The following EFCAB10 variants were observed in gnomAD, a reference collection of about 807,000 sequenced individuals.
The protein encoded by EFCAB10 is EF-hand calcium-binding domain-containing protein 10.
EFCAB10 carries 7 observed loss-of-function variants against 7.7 expected under a neutral mutation model. That is an observed-to-expected ratio of 0.91 (90% CI 0.52 to 1.72). The LOEUF (loss-of-function observed/expected upper bound fraction) is 1.72. EFCAB10 is among the 40% of genes most tolerant of loss of function. The pLI, the probability that EFCAB10 is intolerant of heterozygous loss-of-function variation, is 0.00. For missense variants in EFCAB10, 112 were observed against 61.5 expected (o/e 1.82, Z -2.74); for synonymous variants, 52 against 21.0 (o/e 2.47, Z -4.03).
At chr7:105,576,217 T>C (rs1169707919) in intron 1 of EFCAB10, among the ~76,000 whole-genome samples, 2 of 152,194 alleles carry the variant, frequency 1.3e-5, no homozygotes, top group East Asian at 1.9e-4. Flanking sequence ...AAACTTCTTA[T>C]GCCACATCAG....
At chr7:105,570,576 AT>A (rs949477484) in intron 1 of EFCAB10, among the ~76,000 whole-genome samples, 56 of 146,674 alleles carry the variant, frequency 3.8e-4, no homozygotes, top group Non-Finnish European at 4.7e-4. Context: ...TTACTCTTAC[AT>A]TTTTTTTTTT....
intron 1 of EFCAB10, chr7:105,572,905 C>T (rs1488864875): frequency 4.6e-5 from 7 of 151,440 alleles, no homozygotes; most frequent in Admixed American, 3.3e-4. Context: ...TGCATTCACC[C>T]GATTAGTGAT....
At chr7:105,580,688 C>T (rs956341157) in intron 1 of EFCAB10, among the ~76,000 whole-genome samples, 3 of 152,024 alleles carry the variant, frequency 2.0e-5, no homozygotes, top group African/African-American at 7.3e-5. Context: ...TACACAGAAG[C>T]AAATGGACAA....
intron 1 of EFCAB10, among the ~76,000 whole-genome samples, chr7:105,570,266 T>C (rs56084542): frequency 0.23 from 17,929 of 79,576 alleles, 2,711 homozygotes; most frequent in African/African-American, 0.31. Flanking sequence ...TATATATATA[T>C]ATACACACAC....
intron 1 of EFCAB10, among the ~76,000 whole-genome samples, chr7:105,570,885 C>T (rs926705563): frequency 1.3e-5 from 2 of 151,988 alleles, no homozygotes; most frequent in African/African-American, 2.4e-5. Flanking sequence ...CTTAGCCGGG[C>T]GTGGTGACGG....
At chr7:105,574,332 A>G (rs1468990720) in intron 1 of EFCAB10, among the ~76,000 whole-genome samples, 1 of 151,920 alleles carries the variant, frequency 6.6e-6, no homozygotes, top group Admixed American at 6.6e-5. Context: ...TGATAAAGAC[A>G]TACGTGAGAC....
intron 1 of EFCAB10, among the ~76,000 whole-genome samples, chr7:105,574,820 G>T (rs1394680951): frequency 6.6e-6 from 1 of 151,690 alleles, no homozygotes; most frequent in African/African-American, 2.4e-5. Flanking sequence ...ATCAGGTCAG[G>T]CGCAGTGGCT....
At chr7:105,574,577 C>T (rs898794183) in intron 1 of EFCAB10, among the ~76,000 whole-genome samples, 4 of 151,932 alleles carry the variant, frequency 2.6e-5, no homozygotes, top group African/African-American at 9.7e-5. Flanking sequence ...CTCTACCTCC[C>T]AGGTTCATGC....
At position 105,565,213 on chromosome 7, in the gene EFCAB10, TGATTTAAAAA is replaced by T; in HGVS notation, c.*224_*233del. The T allele has an allele frequency of 6.9e-7, 1 of 1,453,220 alleles. No individual in the cohort carries two copies. Among genetic ancestry groups the T allele is most frequent in the Non-Finnish European group, 9.3e-7 (1 of 1,070,858 alleles). The allele number at this position is 1,453,220 out of a possible 1,614,324, so 90.0% of individuals were successfully genotyped here. On this transcript the variant is annotated 3_prime_UTR_variant, in exon 5 of 5. Transcript: ENST00000480514. ...ACAGAACACTTCCTCAAATTTAAAA[TGATTTAAAAA>T]CTTGAAAAATAGAAACTGATGAAAA...
intron 1 of EFCAB10, among the ~76,000 whole-genome samples, chr7:105,577,713 C>CG (rs1792115059): frequency 1.4e-5 from 2 of 145,028 alleles, no homozygotes; most frequent in Non-Finnish European, 3.1e-5. Flanking sequence ...TTTGTCTGTT[C>CG]AATTTTTTTT....
intron 1 of EFCAB10, among the ~76,000 whole-genome samples, chr7:105,576,249 T>C (rs942547804): frequency 3.3e-5 from 5 of 152,166 alleles, no homozygotes; most frequent in African/African-American, 1.2e-4. Flanking sequence ...AGACACTGAA[T>C]GGACAAGTCC....
At chr7:105,570,614 T>C (rs1216864416) in intron 1 of EFCAB10, among the ~76,000 whole-genome samples, 1 of 152,088 alleles carries the variant, frequency 6.6e-6, no homozygotes, top group Non-Finnish European at 1.5e-5. Context: ...CTTGCTATGT[T>C]GCCCAGACCA....
chr7:105,567,100 CTTT>C (rs765104724), intron 4 of EFCAB10: 3 of 1,458,040 alleles, frequency 2.1e-6, no homozygotes, highest in Non-Finnish European at 2.7e-6. Flanking sequence ...CATTTCCCTC[CTTT>C]GTTTTCCCTA....
chr7:105,565,781 C>T, intron 4 of EFCAB10: 1 of 627,612 alleles, frequency 1.6e-6, no homozygotes, highest in South Asian at 2.0e-5. Context: ...TGTCTATCTA[C>T]TGTATGCTTA....
intron 1 of EFCAB10, among the ~76,000 whole-genome samples, chr7:105,576,996 G>GT (rs1319426758): frequency 6.6e-6 from 1 of 151,880 alleles, no homozygotes; most frequent in African/African-American, 2.4e-5. Flanking sequence ...GGAGGTTGCA[G>GT]TGAGCCAAGA....
Position 105,565,616 on chromosome 7 carries a change from C to T in EFCAB10, c.*-169G>A. On this transcript the variant is annotated intron_variant, in intron 4 of 4. Coordinates refer to ENST00000480514, the MANE Select transcript of EFCAB10 (RefSeq NM_001355526.2). Reference sequence around the variant, plus strand: ...GGAATCTTTTCCCTTTGTTTTCTCACTATTGCAAGAGACCAGAAAATTATT... The same window carrying T: ...GGAATCTTTTCCCTTTGTTTTCTCATTATTGCAAGAGACCAGAAAATTATT... 1 of 1,612,422 alleles carries T rather than the reference C, an allele frequency of 6.2e-7. No homozygotes were observed. The highest frequency in any genetic ancestry group is 8.5e-7 in the Non-Finnish European group (1 of 1,178,740).
chr7:105,570,268 T>TATATATATATATATATATACATACAC (rs1188257284), intron 1 of EFCAB10, among the ~76,000 whole-genome samples: 1 of 66,432 alleles, frequency 1.5e-5, no homozygotes, highest in Non-Finnish European at 2.7e-5. Context: ...TATATATATA[T>TATATATATATATATATATACATACAC]ACACACACAC....
chr7:105,576,077 G>T (rs1792071230), intron 1 of EFCAB10, among the ~76,000 whole-genome samples: 1 of 152,162 alleles, frequency 6.6e-6, no homozygotes, highest in Non-Finnish European at 1.5e-5. Context: ...AAAGACACAG[G>T]ATAAAGCTAG....
At position 105,567,531 on chromosome 7, in the gene EFCAB10, A is replaced by C. The variant is rs918965615; in HGVS notation, c.360-41T>G. 8.8e-6 allele frequency: 6 copies of C among 684,692 alleles called. No individual in the cohort carries two copies. The East Asian group carries it at 1.6e-4, about 18-fold the overall frequency. 42.4% of individuals were successfully genotyped at this position (684,692 alleles called of 1,614,324 possible). A position where few individuals can be genotyped will look rare whatever the true frequency, so the allele number is the denominator to read the frequency against. On this transcript the variant is annotated intron_variant, in intron 3 of 4. Coordinates refer to ENST00000480514, the MANE Select transcript of EFCAB10 (RefSeq NM_001355526.2). ...CAGAAAACGAAACAATGAAAACTCAATTCTATTTACAAGTATAAATGCTGA... is the reference window on the plus strand; with the variant it reads ...CAGAAAACGAAACAATGAAAACTCACTTCTATTTACAAGTATAAATGCTGA...
Sources: gnomAD v4.1 joint callset for allele counts (sites outside exome capture counted in the v4.1 genomes callset) on GRCh38, gnomAD v4.1.1 for gene constraint, MANE v1.5 for transcripts, NCBI Gene and HGNC (gene_info 2026-07-23, HGNC 2026-07-21) for gene names.